ACTL8: variants seen among roughly 807,000 people sequenced by gnomAD.
ACTL8 encodes the protein actin-like protein 8.
A neutral mutation model predicts 9.3 loss-of-function variants in ACTL8; 3 were observed. The observed-to-expected ratio is 0.32, with a 90% CI of 0.15 to 0.83. The LOEUF (loss-of-function observed/expected upper bound fraction) is 0.83. Among genes scored for constraint, ACTL8 ranks in the 40% least tolerant of loss-of-function variants. ACTL8 has a pLI of 0.57. For synonymous variants in ACTL8, 224 were observed against 205.9 expected (o/e 1.09, Z -0.75); for missense variants, 381 against 492.2 (o/e 0.77, Z 2.14).
intron 1 of ACTL8, among the ~76,000 whole-genome samples, chr1:17,796,104 G>A (rs1258915307): frequency 1.3e-5 from 2 of 152,194 alleles, no homozygotes; most frequent in Non-Finnish European, 2.9e-5. Flanking sequence ...TCTTACCAGG[G>A]TGGAGATGTT....
chr1:17,822,332 T>C (rs1040032201), intron 1 of ACTL8, among the ~76,000 whole-genome samples: 2 of 152,208 alleles, frequency 1.3e-5, no homozygotes, highest in African/African-American at 4.8e-5. Flanking sequence ...AATGAGTCCA[T>C]GTATCAAGTG....
chr1:17,764,183 T>G (rs2102674661), intron 1 of ACTL8, among the ~76,000 whole-genome samples: 1 of 152,152 alleles, frequency 6.6e-6, no homozygotes, highest in African/African-American at 2.4e-5. Context: ...CGGCTGACAG[T>G]GGGGCTGGCC....
intron 1 of ACTL8, 53 bp downstream of exon 1, chr1:17,755,557 T>G (rs1158804265): frequency 2.6e-5 from 3 of 115,244 alleles, no homozygotes; most frequent in Non-Finnish European, 1.8e-5. Context: ...CCCCTGACTG[T>G]TTTTTTTTTT....
chr1:17,824,578 G>C (rs992673432), intron 2 of ACTL8, among the ~76,000 whole-genome samples: 3 of 152,172 alleles, frequency 2.0e-5, no homozygotes, highest in African/African-American at 7.2e-5. Context: ...TGCCTAGTTA[G>C]ACTTGAGTTT....
intron 1 of ACTL8, among the ~76,000 whole-genome samples, chr1:17,764,078 C>T (rs888333230): frequency 2.0e-5 from 3 of 151,842 alleles, no homozygotes; most frequent in Admixed American, 6.6e-5. Context: ...CTCGGGAAAC[C>T]CCGGTGGGGG....
At chr1:17,802,307 G>A (rs916561786) in intron 1 of ACTL8, among the ~76,000 whole-genome samples, 5 of 152,226 alleles carry the variant, frequency 3.3e-5, no homozygotes, top group Middle Eastern at 3.4e-3. Flanking sequence ...AAGTTGAGCC[G>A]GGGCTGCTGG....
At chr1:17,813,328 A>G (rs1050259373) in intron 1 of ACTL8, among the ~76,000 whole-genome samples, 3 of 152,206 alleles carry the variant, frequency 2.0e-5, no homozygotes, top group African/African-American at 7.2e-5. Context: ...TCCTAGTTAA[A>G]GATTTTTATG....
Position 17,809,589 on chromosome 1 carries a change from C to G in ACTL8, c.-24-13396C>G, listed in dbSNP as rs140543600. On this transcript the variant is annotated intron_variant, in intron 1 of 2. Coordinates refer to ENST00000375406, the MANE Select transcript of ACTL8 (RefSeq NM_030812.3). ...GCTCACATTACTGCCTGAGCTCCACCTCCTGTCAGATCAATGGTGGCATTA... is the reference window on the plus strand; with the variant it reads ...GCTCACATTACTGCCTGAGCTCCACGTCCTGTCAGATCAATGGTGGCATTA... Among the ~76,000 whole-genome samples the G allele has an allele frequency of 3.9e-3, 590 of 152,248 alleles. 12 individuals carry two copies. In the East Asian group the frequency reaches 0.064, roughly 17 times the overall value.
intron 1 of ACTL8, among the ~76,000 whole-genome samples, chr1:17,761,134 ATTTTTTTT>A (rs935834059): frequency 3.0e-5 from 4 of 131,386 alleles, no homozygotes; most frequent in Middle Eastern, 3.8e-3. Context: ...TTGCGGCTTA[ATTTTTTTT>A]TTTTTTTTTT....
At chr1:17,817,769 C>T (rs1042251167) in intron 1 of ACTL8, among the ~76,000 whole-genome samples, 1 of 151,444 alleles carries the variant, frequency 6.6e-6, no homozygotes, top group Admixed American at 6.6e-5. Context: ...GGCATGATCT[C>T]GGCTCACTGC....
Position 17,826,339 on chromosome 1 carries a change from C to T in ACTL8, c.921C>T (p.Phe307=). Residue 307 remains phenylalanine (F), a synonymous_variant, in exon 3 of 3, where the codon TTC becomes TTT. Transcript: ENST00000375406. The surrounding 1 kb of genome is among the most constrained non-coding windows in gnomAD (Gnocchi z 4.5). The part of the protein sequence containing the change: ...ACGGNTLYPG[F]TKRLFRELMG... ...GGGGCAACACCCTCTATCCCGGGTT[C>T]ACAAAGCGCCTGTTCAGGGAGCTGA... 1 of 1,613,934 alleles carries T rather than the reference C, an allele frequency of 6.2e-7. No homozygotes were observed. The highest frequency in any genetic ancestry group is 8.5e-7 in the Non-Finnish European group (1 of 1,179,926).
intron 1 of ACTL8, among the ~76,000 whole-genome samples, chr1:17,786,661 C>T (rs77625704): frequency 4.6e-5 from 7 of 152,082 alleles, no homozygotes; most frequent in Admixed American, 1.3e-4. Flanking sequence ...ACCTTCTTTA[C>T]GTACATATGC....
intron 1 of ACTL8, among the ~76,000 whole-genome samples, chr1:17,801,047 G>A (rs998624138): frequency 6.6e-6 from 1 of 152,180 alleles, no homozygotes; most frequent in Non-Finnish European, 1.5e-5. Context: ...TTGGTCAAAT[G>A]CTTTTGCCAA....
At chr1:17,822,750 A>AG (rs1270740441) in intron 1 of ACTL8, among the ~76,000 whole-genome samples, 1 of 152,132 alleles carries the variant, frequency 6.6e-6, no homozygotes, top group African/African-American at 2.4e-5. Flanking sequence ...CTGAGTGGGC[A>AG]GGAGGGGTGG....
Position 17,792,016 on chromosome 1 carries a change from C to CAGGAACCCTTATCATTGGG in ACTL8, c.-24-30968_-24-30950dup, listed in dbSNP as rs2066243702. On this transcript the variant is annotated intron_variant, in intron 1 of 2. Transcript: ENST00000375406. Reference sequence around the variant, plus strand: ...TCCTGCCCCCCCTCATCAACCCCATCAGGAACCCTTATCATTGGGGCTGGA... The same window carrying CAGGAACCCTTATCATTGGG: ...TCCTGCCCCCCCTCATCAACCCCATCAGGAACCCTTATCATTGGGAGGAACCCTTATCATTGGGGCTGGA... 3.3e-5 allele frequency among the ~76,000 whole-genome samples: 5 copies of CAGGAACCCTTATCATTGGG among 152,302 alleles called. No homozygotes were observed. The South Asian group carries it at 1.0e-3, about 32-fold the overall frequency.
chr1:17,781,276 T>G (rs1320561949), intron 1 of ACTL8, among the ~76,000 whole-genome samples: 1 of 151,396 alleles, frequency 6.6e-6, no homozygotes, highest in African/African-American at 2.4e-5. Context: ...AGTCTCACCC[T>G]GTCACCCAGG....
rs79091819 is a variant in ACTL8, at chr1:17,820,006, CA to C, written c.-24-2967del. On this transcript the variant is annotated intron_variant, in intron 1 of 2. Coordinates refer to ENST00000375406, the MANE Select transcript of ACTL8 (RefSeq NM_030812.3). ...CCTGCGCAAGAGCGAGATCCTGTCTCAAAAAAAAAAAACTTTGTTTTTACTA... is the reference window on the plus strand; with the variant it reads ...CCTGCGCAAGAGCGAGATCCTGTCTCAAAAAAAAAAACTTTGTTTTTACTA... Among the ~76,000 whole-genome samples the C allele has an allele frequency of 2.8e-3, 389 of 138,788 alleles. 3 individuals carry two copies. Among genetic ancestry groups the C allele is most frequent in the African/African-American group, 8.9e-3 (338 of 37,858 alleles). 91.1% of individuals were successfully genotyped at this position (138,788 alleles called of 152,430 possible).
At chr1:17,765,901 A>G (rs1247161102) in intron 1 of ACTL8, among the ~76,000 whole-genome samples, 2 of 152,156 alleles carry the variant, frequency 1.3e-5, no homozygotes, top group East Asian at 3.9e-4. Context: ...TGTGAGGCAG[A>G]GGTTCCCTCG....
At chr1:17,780,483 G>T (rs2066146682) in intron 1 of ACTL8, among the ~76,000 whole-genome samples, 1 of 152,154 alleles carries the variant, frequency 6.6e-6, no homozygotes, top group Admixed American at 6.5e-5. Flanking sequence ...GCAGGGATGG[G>T]GGCGTCATCT....
Sources: gnomAD v4.1 joint callset for allele counts (sites outside exome capture counted in the v4.1 genomes callset) on GRCh38, gnomAD v4.1.1 for gene constraint, Gnocchi (gnomAD v3.1) non-coding constraint, MANE v1.5 for transcripts, NCBI Gene and HGNC (gene_info 2026-07-23, HGNC 2026-07-21) for gene names.